CDKAL1: variants seen among roughly 807,000 people sequenced by gnomAD.
CDKAL1 encodes the protein threonylcarbamoyladenosine tRNA methylthiotransferase.
In CDKAL1, 32 loss-of-function variants were observed where a neutral mutation model predicts 68.2. The ratio of observed to expected loss-of-function variants is 0.47; its 90% CI spans 0.35 to 0.63. CDKAL1 has a LOEUF of 0.63. Ranked by LOEUF, CDKAL1 falls within the 30% of genes least tolerant of loss-of-function variation. The pLI, the probability that CDKAL1 is intolerant of heterozygous loss-of-function variation, is 0.00. For missense variants in CDKAL1, 606 were observed against 696.7 expected, an observed-to-expected ratio of 0.87 and a Z score of 1.47; for synonymous variants, 234 against 244.3, an observed-to-expected ratio of 0.96 and a Z score of 0.39.
chr6:20,668,587 A>T (rs1421958559), intron 5 of CDKAL1, among the ~76,000 whole-genome samples: 1 of 152,216 alleles, frequency 6.6e-6, no homozygotes, highest in African/African-American at 2.4e-5. Context: ...TAACATAATT[A>T]CTGAAAAGTT....
chr6:20,938,644 C>T (rs1763834308), intron 9 of CDKAL1, among the ~76,000 whole-genome samples: 1 of 151,978 alleles, frequency 6.6e-6, no homozygotes, highest in Admixed American at 6.6e-5. Flanking sequence ...TTCTGTATTT[C>T]TCAGGAAACC....
intron 9 of CDKAL1, among the ~76,000 whole-genome samples, chr6:20,855,430 G>A (rs1036864714): frequency 6.5e-5 from 7 of 107,720 alleles, no homozygotes; most frequent in Non-Finnish European, 1.2e-4. Context: ...GAGACAGAGC[G>A]AGACTCCGTC....
At chr6:21,092,449 G>T (rs916962980) in intron 12 of CDKAL1, among the ~76,000 whole-genome samples, 8 of 151,928 alleles carry the variant, frequency 5.3e-5, no homozygotes, top group Admixed American at 6.6e-5. Flanking sequence ...CCTGGTGTGT[G>T]TTGGTCCTCT....
At position 20,596,419 on chromosome 6, in the gene CDKAL1, G is replaced by T. The variant is rs545802370; in HGVS notation, c.286+47714G>T. Reference sequence around the variant, plus strand: ...ACAGCGGCTTTGCCGAGCTGTGGTGGGCTCTGCCCAGTTCAAACTTCCTGG... The same window carrying T: ...ACAGCGGCTTTGCCGAGCTGTGGTGTGCTCTGCCCAGTTCAAACTTCCTGG... On this transcript the variant is annotated intron_variant, in intron 4 of 15. Coordinates refer to ENST00000274695, the MANE Select transcript of CDKAL1 (RefSeq NM_017774.3). Among the ~76,000 whole-genome samples, 311 of 152,300 alleles carry T rather than the reference G, an allele frequency of 2.0e-3. 1 individual carries two copies. Among genetic ancestry groups the T allele is most frequent in the African/African-American group, 6.8e-3 (284 of 41,558 alleles).
chr6:21,113,374 T>C (rs1025946120), intron 13 of CDKAL1, among the ~76,000 whole-genome samples: 1 of 152,076 alleles, frequency 6.6e-6, no homozygotes, highest in Non-Finnish European at 1.5e-5. Context: ...AGGCTAAACA[T>C]GGTGGCTCAT....
At chr6:20,926,965 G>T (rs1763219331) in intron 9 of CDKAL1, among the ~76,000 whole-genome samples, 1 of 149,530 alleles carries the variant, frequency 6.7e-6, no homozygotes, top group South Asian at 2.1e-4. Context: ...GAATAGAATG[G>T]CTCTATAGAG....
At chr6:20,648,257 A>G (rs774992128) in intron 4 of CDKAL1, among the ~76,000 whole-genome samples, 3 of 150,992 alleles carry the variant, frequency 2.0e-5, no homozygotes, top group Non-Finnish European at 4.4e-5. Context: ...CCTCCTGAAT[A>G]GCTGAGAGTA....
intron 4 of CDKAL1, among the ~76,000 whole-genome samples, chr6:20,563,667 C>T (rs2328526): frequency 0.95 from 142,672 of 150,394 alleles, 67,690 homozygotes; most frequent in East Asian, 1. Context: ...TTTTTTTTTT[C>T]TCATTAACAT....
chr6:20,721,725 G>GTTTTTTTTTTTTT lies in CDKAL1; in HGVS notation c.372-17781_372-17769dup, dbSNP rs145893325. 1.4e-3 allele frequency among the ~76,000 whole-genome samples: 96 copies of GTTTTTTTTTTTTT among 67,378 alleles called. 12 individuals are homozygous for GTTTTTTTTTTTTT. The highest frequency in any genetic ancestry group is 1.6e-3 in the Non-Finnish European group (61 of 37,674). The allele number at this position is 67,378 out of a possible 152,430, so 44.2% of individuals were successfully genotyped here. On this transcript the variant is annotated intron_variant, in intron 5 of 15. Coordinates refer to ENST00000274695, the MANE Select transcript of CDKAL1 (RefSeq NM_017774.3). ...CTTCTCTGCACCCTGACCAACTTCTGTTTTTTTTTTTTTTTTTTTTTTTTT... is the reference window on the plus strand; with the variant it reads ...CTTCTCTGCACCCTGACCAACTTCTGTTTTTTTTTTTTTTTTTTTTTTTTTTTTTTTTTTTTTT...
intron 15 of CDKAL1, among the ~76,000 whole-genome samples, chr6:21,213,552 T>A (rs1779239078): frequency 6.6e-6 from 1 of 152,226 alleles, no homozygotes; most frequent in Non-Finnish European, 1.5e-5. Context: ...CCCTTTTCAC[T>A]GACTTTGAGT....
At chr6:21,059,054 C>G (rs1156412878) in intron 11 of CDKAL1, among the ~76,000 whole-genome samples, 1 of 152,218 alleles carries the variant, frequency 6.6e-6, no homozygotes, top group Non-Finnish European at 1.5e-5. Context: ...GCTGCCCCTC[C>G]CCTCAGGGTC....
intron 8 of CDKAL1, among the ~76,000 whole-genome samples, chr6:20,840,426 G>C (rs1778128186): frequency 6.6e-6 from 1 of 152,212 alleles, no homozygotes; most frequent in Non-Finnish European, 1.5e-5. Flanking sequence ...GGATGTAGCT[G>C]ATGGGAATAG....
At chr6:20,621,167 A>C (rs1313432847) in intron 4 of CDKAL1, among the ~76,000 whole-genome samples, 4 of 152,044 alleles carry the variant, frequency 2.6e-5, no homozygotes, top group African/African-American at 9.7e-5. Flanking sequence ...TTTTTCAAAG[A>C]GCTTTGCTAC....
At chr6:21,169,225 A>G (rs950599553) in intron 13 of CDKAL1, among the ~76,000 whole-genome samples, 6 of 152,352 alleles carry the variant, frequency 3.9e-5, no homozygotes, top group Admixed American at 1.3e-4. Context: ...TTACAATGCC[A>G]TGCATCTGTG....
intron 13 of CDKAL1, among the ~76,000 whole-genome samples, chr6:21,122,138 A>G (rs1774751641): frequency 6.6e-6 from 1 of 152,252 alleles, no homozygotes; most frequent in African/African-American, 2.4e-5. Flanking sequence ...TCCAAACAAG[A>G]GTCAAAATGT....
chr6:20,902,477 G>C (rs1369031921), intron 9 of CDKAL1, among the ~76,000 whole-genome samples: 1 of 152,136 alleles, frequency 6.6e-6, no homozygotes, highest in Non-Finnish European at 1.5e-5. Flanking sequence ...ATGGAAGACT[G>C]GAAGAGGCAA....
intron 11 of CDKAL1, among the ~76,000 whole-genome samples, chr6:21,017,351 T>C (rs1413103871): frequency 1.3e-5 from 2 of 152,190 alleles, no homozygotes; most frequent in African/African-American, 2.4e-5. Flanking sequence ...TAGAAGCAAA[T>C]AGAACCCCTC....
intron 5 of CDKAL1, among the ~76,000 whole-genome samples, chr6:20,724,973 A>G (rs1252561801): frequency 6.6e-6 from 1 of 152,142 alleles, no homozygotes; most frequent in Non-Finnish European, 1.5e-5. Context: ...AATTTTAGTC[A>G]TTCTTGGCGA....
chr6:20,649,615 T>A (rs978562446), intron 5 of CDKAL1, among the ~76,000 whole-genome samples: 1 of 152,186 alleles, frequency 6.6e-6, no homozygotes, highest in Non-Finnish European at 1.5e-5. Context: ...TGTGCAAGTT[T>A]GTTACATAGG....
Sources: allele counts gnomAD v4.1 joint callset (sites outside exome capture counted in the v4.1 genomes callset), GRCh38; gene constraint gnomAD v4.1.1; transcripts MANE v1.5; gene names NCBI Gene and HGNC (gene_info 2026-07-23, HGNC 2026-07-21).